Variants in CNTNAP2 observed in about 807,000 individuals in gnomAD.
The protein encoded by CNTNAP2 is contactin associated protein 2.
A neutral mutation model predicts 155.2 loss-of-function variants in CNTNAP2; 98 were observed. That is an observed-to-expected ratio of 0.63 (90% CI 0.54 to 0.75). The LOEUF (loss-of-function observed/expected upper bound fraction) is 0.75, where lower values mean the gene tolerates loss of function less well. CNTNAP2 is among the 30% of genes least tolerant of loss of function. The pLI is 0.00. For synonymous variants in CNTNAP2, 651 were observed against 631.2 expected, an observed-to-expected ratio of 1.03 and a Z score of -0.47; for missense variants, 1,727 against 1,688.1, an observed-to-expected ratio of 1.02 and a Z score of -0.40.
chr7:148,182,263 C>A (rs1187233381), intron 18 of CNTNAP2, among the ~76,000 whole-genome samples: 1 of 152,160 alleles, frequency 6.6e-6, no homozygotes, highest in African/African-American at 2.4e-5. Flanking sequence ...AAACTCTATA[C>A]ATTTCTTTTC....
intron 21 of CNTNAP2, among the ~76,000 whole-genome samples, chr7:148,356,911 A>C (rs1247439859): frequency 6.6e-6 from 1 of 150,934 alleles, no homozygotes; most frequent in Non-Finnish European, 1.5e-5. Context: ...AAAAAAACAA[A>C]AAAAAAAACC....
chr7:147,013,221 C>T (rs945753266), intron 3 of CNTNAP2, among the ~76,000 whole-genome samples: 2 of 151,938 alleles, frequency 1.3e-5, no homozygotes, highest in Non-Finnish European at 2.9e-5. Context: ...TTTGACAGAA[C>T]GGGTCAACCA....
chr7:146,819,755 G>C (rs1383318014), intron 2 of CNTNAP2, among the ~76,000 whole-genome samples: 1 of 152,006 alleles, frequency 6.6e-6, no homozygotes, highest in African/African-American at 2.4e-5. Context: ...TTCCGTTTCA[G>C]GAATTGCTAC....
At chr7:146,730,879 A>G (rs1801513514) in intron 1 of CNTNAP2, among the ~76,000 whole-genome samples, 2 of 152,170 alleles carry the variant, frequency 1.3e-5, no homozygotes, top group Admixed American at 1.3e-4. Context: ...TTGATGAATA[A>G]TAATCAATTC....
rs143887338 is a variant in CNTNAP2, at chr7:148,201,030, C to T, written c.3011-16258C>T. On this transcript the variant is annotated intron_variant, in intron 18 of 23. Coordinates refer to ENST00000361727, the MANE Select transcript of CNTNAP2 (RefSeq NM_014141.6). ...GAAGCAATGCCTCAAGTCCTTGCAC[C>T]AACAGAGGTGCAGAAATTCATCATC... 5.8e-4 allele frequency among the ~76,000 whole-genome samples: 89 copies of T among 152,248 alleles called. 1 individual carries two copies. The highest frequency in any genetic ancestry group is 2.1e-3 in the African/African-American group (87 of 41,544).
chr7:146,426,018 T>G (rs1584919492), intron 1 of CNTNAP2, among the ~76,000 whole-genome samples: 1 of 151,372 alleles, frequency 6.6e-6, no homozygotes, highest in South Asian at 2.1e-4. Flanking sequence ...AAACCCCATC[T>G]CTACTAAAAA....
At chr7:147,674,162 C>T (rs865864857) in intron 13 of CNTNAP2, among the ~76,000 whole-genome samples, 28 of 151,958 alleles carry the variant, frequency 1.8e-4, no homozygotes, top group African/African-American at 4.1e-4. Context: ...AACTAGCATG[C>T]GATAGTAAGC....
At chr7:146,533,600 G>C (rs1304201124) in intron 1 of CNTNAP2, among the ~76,000 whole-genome samples, 1 of 152,094 alleles carries the variant, frequency 6.6e-6, no homozygotes, top group Non-Finnish European at 1.5e-5. Flanking sequence ...GATAAGATTT[G>C]TGTTCATGGT....
intron 16 of CNTNAP2, among the ~76,000 whole-genome samples, chr7:148,128,258 C>T (rs1023540865): frequency 2.6e-5 from 4 of 152,106 alleles, no homozygotes; most frequent in Non-Finnish European, 5.9e-5. Context: ...CTTTGCAAGT[C>T]TAATTATGGT....
intron 13 of CNTNAP2, among the ~76,000 whole-genome samples, chr7:147,804,523 C>G (rs12532879): frequency 0.078 from 11,907 of 151,730 alleles, 545 homozygotes; most frequent in East Asian, 0.2. Flanking sequence ...AAGGTGCTCA[C>G]CCACTCTCTT....
intron 2 of CNTNAP2, among the ~76,000 whole-genome samples, chr7:146,810,973 C>G (rs543374375): frequency 6.6e-6 from 1 of 152,156 alleles, no homozygotes; most frequent in Non-Finnish European, 1.5e-5. Flanking sequence ...CCTTGCATCT[C>G]AAGGATAAAT....
At chr7:147,636,817 T>C (rs1860136) in intron 12 of CNTNAP2, among the ~76,000 whole-genome samples, 36,632 of 151,984 alleles carry the variant, frequency 0.24, 4,817 homozygotes, top group Admixed American at 0.32. Context: ...ATAAAATGTG[T>C]GCAAGTAAAG....
At chr7:147,934,069 C>T (rs186323138) in intron 14 of CNTNAP2, among the ~76,000 whole-genome samples, 74 of 152,176 alleles carry the variant, frequency 4.9e-4, no homozygotes, top group Middle Eastern at 3.4e-3. Flanking sequence ...GAGGGGAATA[C>T]GGGGACTTGC....
chr7:146,519,906 C>G (rs566154908), intron 1 of CNTNAP2, among the ~76,000 whole-genome samples: 2 of 151,796 alleles, frequency 1.3e-5, no homozygotes, highest in Non-Finnish European at 2.9e-5. Context: ...TCTGTAGCCT[C>G]TCTGAGGAAT....
At chr7:148,228,834 A>C (rs10260410) in intron 19 of CNTNAP2, among the ~76,000 whole-genome samples, 1 of 146,176 alleles carries the variant, frequency 6.8e-6, no homozygotes, top group African/African-American at 2.8e-5. Flanking sequence ...TTTCAAAAAA[A>C]AAAAAAAAAC....
chr7:148,005,379 A>T (rs1801957624), intron 15 of CNTNAP2, among the ~76,000 whole-genome samples: 1 of 152,166 alleles, frequency 6.6e-6, no homozygotes, highest in African/African-American at 2.4e-5. Context: ...TAGCATAGGA[A>T]TTTGTGGGGG....
chr7:147,585,347 T>G lies in CNTNAP2; in HGVS notation c.1897+23090T>G, dbSNP rs189030594. 2.1e-4 allele frequency among the ~76,000 whole-genome samples: 32 copies of G among 151,366 alleles called. No individual in the cohort carries two copies. In the East Asian group the frequency reaches 6.2e-3, roughly 29 times the overall value. On this transcript the variant is annotated intron_variant, in intron 12 of 23. Transcript: ENST00000361727. Reference sequence around the variant, plus strand: ...TTTAAAAAACAATAAATATCATTACTATGAGTTAGGAATAAAATAACTGGT... The same window carrying G: ...TTTAAAAAACAATAAATATCATTACGATGAGTTAGGAATAAAATAACTGGT...
chr7:148,119,486 A>G (rs781195393), intron 16 of CNTNAP2, among the ~76,000 whole-genome samples: 3 of 152,164 alleles, frequency 2.0e-5, no homozygotes, highest in Non-Finnish European at 4.4e-5. Flanking sequence ...CAGTGAGCCT[A>G]GATTGCGCCA....
At chr7:146,493,573 G>A (rs896559139) in intron 1 of CNTNAP2, among the ~76,000 whole-genome samples, 1 of 152,070 alleles carries the variant, frequency 6.6e-6, no homozygotes, top group Non-Finnish European at 1.5e-5. Flanking sequence ...CAGAAATTAG[G>A]TTTCTGGGAC....
Sources: allele counts gnomAD v4.1 joint callset (sites outside exome capture counted in the v4.1 genomes callset), GRCh38; gene constraint gnomAD v4.1.1; transcripts MANE v1.5; gene names NCBI Gene and HGNC (gene_info 2026-07-23, HGNC 2026-07-21).